Variants in SUGCT observed in about 807,000 individuals in gnomAD.
The protein encoded by SUGCT is succinyl-CoA:glutarate-CoA transferase, also known as succinyl-CoA:glutarate CoA-transferase.
SUGCT carries 41 observed loss-of-function variants against 55.0 expected under a neutral mutation model. That is an observed-to-expected ratio of 0.74 (90% confidence interval 0.58 to 0.97). The LOEUF is 0.97. SUGCT is among the 50% of genes least tolerant of loss of function. The pLI is 0.00. For missense variants in SUGCT, 568 were observed against 547.8 expected, an observed-to-expected ratio of 1.04 and a Z score of -0.37; for synonymous variants, 187 against 200.4, an observed-to-expected ratio of 0.93 and a Z score of 0.56.
chr7:40,740,952 T>C (rs774600895), intron 12 of SUGCT, among the ~76,000 whole-genome samples: 3 of 152,138 alleles, frequency 2.0e-5, no homozygotes, highest in Non-Finnish European at 4.4e-5. Flanking sequence ...CATGTACCAA[T>C]GAAGAATTCA....
At chr7:40,917,254 AATGTTTTCT>A in the SUGCT span, among the ~76,000 whole-genome samples, 2 of 152,184 alleles carry the variant, frequency 1.3e-5, no homozygotes, top group Admixed American at 6.5e-5. Flanking sequence ...ATGACCTTAC[AATGTTTTCT>A]ATAATTGAAA....
chr7:40,481,655 TAAA>T lies in SUGCT; in HGVS notation c.987-14627_987-14625del, dbSNP rs767724846. 2.0e-3 allele frequency among the ~76,000 whole-genome samples: 307 copies of T among 152,242 alleles called. 3 individuals are homozygous for T. The highest frequency in any genetic ancestry group is 3.4e-3 in the Non-Finnish European group (230 of 68,004). ...CAAAAAGATATAACCAGGGATTTTG[TAAA>T]ATAAGATGTGTAAATAACTGTAAGC... is the stretch of plus-strand genomic sequence containing the variant. On this transcript the variant is annotated intron_variant, in intron 11 of 13. Coordinates refer to ENST00000335693, the MANE Select transcript of SUGCT (RefSeq NM_001193313.2).
chr7:41,008,059 G>C, the SUGCT span, among the ~76,000 whole-genome samples: 2 of 152,158 alleles, frequency 1.3e-5, no homozygotes, highest in African/African-American at 4.8e-5. Context: ...GAAAGAGGGT[G>C]GGGGGCAAAA....
intron 12 of SUGCT, among the ~76,000 whole-genome samples, chr7:40,507,146 C>T (rs1293771949): frequency 6.6e-6 from 1 of 152,106 alleles, no homozygotes; most frequent in Non-Finnish European, 1.5e-5. Flanking sequence ...TTGTTGTTAA[C>T]TGAACACTTT....
chr7:40,171,884 T>C (rs1053755623), intron 1 of SUGCT, among the ~76,000 whole-genome samples: 1 of 152,242 alleles, frequency 6.6e-6, no homozygotes, highest in Non-Finnish European at 1.5e-5. Flanking sequence ...TCTTCAATTA[T>C]CAATTGTAGG....
At chr7:40,538,664 A>G (rs1794504297) in intron 12 of SUGCT, 1 of 152,256 alleles carries the variant, frequency 6.6e-6, no homozygotes, top group East Asian at 1.9e-4. Context: ...AATAAAGATT[A>G]GAATATGAAG....
At chr7:40,717,153 C>T (rs1786063905) in intron 12 of SUGCT, among the ~76,000 whole-genome samples, 1 of 152,134 alleles carries the variant, frequency 6.6e-6, no homozygotes, top group Non-Finnish European at 1.5e-5. Flanking sequence ...ATCAAGAATA[C>T]ATAGAAAGAT....
intron 12 of SUGCT, among the ~76,000 whole-genome samples, chr7:40,669,197 C>T (rs1323698286): frequency 6.6e-5 from 10 of 152,074 alleles, no homozygotes; most frequent in Non-Finnish European, 1.5e-4. Context: ...GAAGGTCTAA[C>T]ATAGGCCAAA....
intron 8 of SUGCT, among the ~76,000 whole-genome samples, chr7:40,288,335 C>T (rs1238302420): frequency 1.3e-5 from 2 of 151,770 alleles, no homozygotes; most frequent in Non-Finnish European, 2.9e-5. Flanking sequence ...CCCCACTAAA[C>T]TTTAAACTCA....
the SUGCT span, among the ~76,000 whole-genome samples, chr7:40,974,924 T>C: frequency 6.6e-6 from 1 of 152,202 alleles, no homozygotes; most frequent in African/African-American, 2.4e-5. Context: ...AGGAAGTACT[T>C]GCGAAAATCT....
At chr7:40,645,744 C>T (rs1326678631) in intron 12 of SUGCT, among the ~76,000 whole-genome samples, 13 of 152,002 alleles carry the variant, frequency 8.6e-5, no homozygotes, top group African/African-American at 1.7e-4. Flanking sequence ...CAGTGGGATC[C>T]GAGGGTAGAT....
intron 12 of SUGCT, among the ~76,000 whole-genome samples, chr7:40,731,962 A>G (rs1226262901): frequency 2.0e-5 from 3 of 152,188 alleles, no homozygotes; most frequent in South Asian, 4.1e-4. Flanking sequence ...ATAGGGGTAC[A>G]TGAATTAAAC....
chr7:40,715,065 T>C (rs1323329753), intron 12 of SUGCT, among the ~76,000 whole-genome samples: 1 of 151,612 alleles, frequency 6.6e-6, no homozygotes, highest in African/African-American at 2.4e-5. Context: ...AGGTTGTGTA[T>C]GGAAAAAAAA....
chr7:40,224,044 C>G (rs774785725), intron 6 of SUGCT, among the ~76,000 whole-genome samples: 1 of 152,130 alleles, frequency 6.6e-6, no homozygotes, highest in Non-Finnish European at 1.5e-5. Flanking sequence ...GAGAGTCTGG[C>G]TGAGTTTTTA....
At chr7:40,575,198 C>T (rs1488893685) in intron 12 of SUGCT, among the ~76,000 whole-genome samples, 2 of 151,852 alleles carry the variant, frequency 1.3e-5, no homozygotes, top group Non-Finnish European at 2.9e-5. Context: ...CTCCAAAAGT[C>T]ATCACTACCA....
chr7:40,467,966 CTTTTTTTTTTT>C lies in SUGCT; in HGVS notation c.986+8775_986+8785del, dbSNP rs79872831. Among the ~76,000 whole-genome samples the C allele has an allele frequency of 4.0e-5, 5 of 124,382 alleles. No homozygotes were observed. The Admixed American group carries it at 4.1e-4, about 10-fold the overall frequency. 81.6% of individuals were successfully genotyped at this position (124,382 alleles called of 152,430 possible). ...TAAGACTATTAATAGTACTCATTTT[CTTTTTTTTTTT>C]TTTTTTAACTAAAAGAGTACCTTAA... On this transcript the variant is annotated intron_variant, in intron 11 of 13. Coordinates refer to ENST00000335693, the MANE Select transcript of SUGCT (RefSeq NM_001193313.2).
intron 12 of SUGCT, chr7:40,539,101 C>T (rs545782505): frequency 4.0e-4 from 60 of 149,412 alleles, no homozygotes; most frequent in Non-Finnish European, 7.6e-4. Flanking sequence ...AAAAAATTTA[C>T]TGAAGACATT....
At chr7:40,926,179 C>T in the SUGCT span, among the ~76,000 whole-genome samples, 5 of 151,974 alleles carry the variant, frequency 3.3e-5, no homozygotes, top group Admixed American at 1.3e-4. Flanking sequence ...CTACCTAATA[C>T]AGCTTGATTC....
chr7:40,758,799 A>G (rs766362850), intron 13 of SUGCT, among the ~76,000 whole-genome samples: 5 of 152,006 alleles, frequency 3.3e-5, no homozygotes, highest in Admixed American at 2.6e-4. Context: ...ATGCTTCCCT[A>G]ATTTGCCCTT....
Sources: gnomAD v4.1 joint callset for allele counts (sites outside exome capture counted in the v4.1 genomes callset) on GRCh38, gnomAD v4.1.1 for gene constraint, MANE v1.5 for transcripts, NCBI Gene and HGNC (gene_info 2026-07-23, HGNC 2026-07-21) for gene names.